STARD8: variants seen among roughly 807,000 people sequenced by gnomAD.
STARD8 encodes stAR-related lipid transfer protein 8.
In STARD8, 25 loss-of-function variants were observed where a neutral mutation model predicts 69.4. The ratio of observed to expected loss-of-function variants is 0.36; its 90% CI spans 0.26 to 0.50. The LOEUF is 0.50. Among genes scored for constraint, STARD8 ranks in the 20% least tolerant of loss-of-function variants. The pLI is 0.96. For synonymous variants in STARD8, 389 were observed against 374.6 expected (o/e 1.04, Z -0.45); for missense variants, 921 against 932.5 (o/e 0.99, Z 0.16).
At chrX:68,688,483 C>T (rs1482292209) in intron 2 of STARD8, among the ~76,000 whole-genome samples, 5 of 109,893 alleles carry the variant, frequency 4.5e-5, no homozygotes, top group Non-Finnish European at 9.5e-5. Flanking sequence ...GGGGTCAGGC[C>T]GTGGCAGCTG....
intron 2 of STARD8, among the ~76,000 whole-genome samples, chrX:68,668,577 A>G (rs903023057): frequency 1.8e-5 from 2 of 111,070 alleles, no homozygotes; most frequent in Non-Finnish European, 3.8e-5. Context: ...GACAGAGGAA[A>G]CCTTGTAAGG....
intron 2 of STARD8, among the ~76,000 whole-genome samples, chrX:68,673,698 G>A (rs1050758168): frequency 2.7e-5 from 3 of 112,150 alleles, no homozygotes; most frequent in Non-Finnish European, 5.6e-5. Flanking sequence ...AGCCCTGGAA[G>A]GAAACCAGCT....
intron 2 of STARD8, among the ~76,000 whole-genome samples, chrX:68,680,704 G>C (rs778452964): frequency 7.3e-4 from 81 of 111,315 alleles, no homozygotes; most frequent in Non-Finnish European, 1.4e-3. Context: ...CTCTGACTGA[G>C]GGGAAGGTGT....
intron 2 of STARD8, among the ~76,000 whole-genome samples, chrX:68,711,668 G>A (rs909248839): frequency 2.7e-5 from 3 of 112,118 alleles, no homozygotes; most frequent in Non-Finnish European, 3.8e-5. Flanking sequence ...ATACTGTTTT[G>A]TCCTTCATCT....
chrX:68,676,324 G>A (rs1426906697), intron 2 of STARD8, among the ~76,000 whole-genome samples: 2 of 112,255 alleles, frequency 1.8e-5, no homozygotes, highest in African/African-American at 3.2e-5. Context: ...ATGGCTTGTG[G>A]ATACAGCAGG....
At chrX:68,721,282 C>G (rs4844108) in intron 9 of STARD8, among the ~76,000 whole-genome samples, 160 bp downstream of exon 9, 2,922 of 111,770 alleles carry the variant, frequency 0.026, 88 homozygotes, top group Admixed American at 0.11. Context: ...TGCAGAGAGA[C>G]CATTCTGCTT....
At chrX:68,681,195 T>C (rs2079798684) in intron 2 of STARD8, among the ~76,000 whole-genome samples, 1 of 111,552 alleles carries the variant, frequency 9.0e-6, no homozygotes, top group South Asian at 3.8e-4. Flanking sequence ...GATTGGGCCT[T>C]AGTCATCCAT....
chrX:68,651,447 G>A (rs1382997675), intron 1 of STARD8, among the ~76,000 whole-genome samples: 5 of 112,201 alleles, frequency 4.5e-5, no homozygotes, highest in Admixed American at 9.4e-5. Flanking sequence ...CTCTGGGCTC[G>A]GGAGCTCAGT....
intron 2 of STARD8, among the ~76,000 whole-genome samples, chrX:68,668,334 T>TCC (rs1569355621): frequency 3.0e-5 from 3 of 101,278 alleles, no homozygotes; most frequent in African/African-American, 1.1e-4. Flanking sequence ...CTTCCTTCCT[T>TCC]TTTTTTTCTA....
intron 2 of STARD8, among the ~76,000 whole-genome samples, chrX:68,690,707 G>A (rs980434959): frequency 4.5e-5 from 5 of 112,103 alleles, no homozygotes; most frequent in Admixed American, 3.8e-4. Flanking sequence ...AAAACTGATG[G>A]CTGGGGTGGC....
At chrX:68,722,272 G>T in intron 11 of STARD8, 111 bp downstream of exon 11, 2 of 843,750 alleles carry the variant, frequency 2.4e-6, no homozygotes, top group Admixed American at 6.1e-5. Flanking sequence ...TACCCCTCAA[G>T]CTTATACCCC....
chrX:68,721,971 T>C (rs899663789), intron 10 of STARD8, 76 bp from the exon 11 acceptor site: 47 of 988,579 alleles, frequency 4.8e-5, no homozygotes, highest in Non-Finnish European at 6.2e-5. Context: ...TCCTGGCAGC[T>C]AGAAGGCAGC....
intron 2 of STARD8, among the ~76,000 whole-genome samples, chrX:68,685,158 G>T (rs777424525): frequency 8.9e-6 from 1 of 112,028 alleles, no homozygotes; most frequent in Non-Finnish European, 1.9e-5. Context: ...GAGACAGTAG[G>T]GGGGAGGGGC....
chrX:68,667,062 G>A (rs1288894233), intron 2 of STARD8, among the ~76,000 whole-genome samples: 3 of 112,210 alleles, frequency 2.7e-5, no homozygotes, highest in Non-Finnish European at 5.6e-5. Context: ...TCTTTTACTG[G>A]GTAGGGTCAG....
chrX:68,680,012 A>C (rs1284379024), intron 2 of STARD8, among the ~76,000 whole-genome samples: 1 of 112,046 alleles, frequency 8.9e-6, no homozygotes, highest in Non-Finnish European at 1.9e-5. Flanking sequence ...CACTGCCAAC[A>C]CTGTTTATCT....
Position 68,722,662 on chromosome X carries a change from C to T in STARD8, c.2799+16C>T, listed in dbSNP as rs1210946498. ...TTGCAGGAAGGTGAGTGCCACACCACGGGTGGCTGCTATGGGGCTGGGAGA... is the reference window on the plus strand; with the variant it reads ...TTGCAGGAAGGTGAGTGCCACACCATGGGTGGCTGCTATGGGGCTGGGAGA... On this transcript the variant is annotated intron_variant, in intron 12 of 14. Coordinates refer to ENST00000374599, the MANE Select transcript of STARD8 (RefSeq NM_001142503.3). The T allele has an allele frequency of 3.3e-6, 4 of 1,197,329 alleles. No homozygotes were observed. The highest frequency in any genetic ancestry group is 4.5e-6 in the Non-Finnish European group (4 of 883,843).
At chrX:68,710,601 A>T (rs1236668445) in intron 2 of STARD8, among the ~76,000 whole-genome samples, 1 of 111,978 alleles carries the variant, frequency 8.9e-6, no homozygotes, top group Non-Finnish European at 1.9e-5. Flanking sequence ...GCCAACCCCC[A>T]GCTAGGGCCA....
At chrX:68,651,858 T>A (rs1189425400) in intron 1 of STARD8, among the ~76,000 whole-genome samples, 5 of 106,047 alleles carry the variant, frequency 4.7e-5, no homozygotes, top group Non-Finnish European at 9.7e-5. Flanking sequence ...GTGGGTTAAG[T>A]CTTTTTTTTT....
chrX:68,680,729 G>A (rs1024118292), intron 2 of STARD8, among the ~76,000 whole-genome samples: 1 of 110,918 alleles, frequency 9.0e-6, no homozygotes, highest in Non-Finnish European at 1.9e-5. Context: ...ACTAAGGCCA[G>A]GAAGTGGGGG....
Sources: gnomAD v4.1 joint callset for allele counts (sites outside exome capture counted in the v4.1 genomes callset) on GRCh38, gnomAD v4.1.1 for gene constraint, MANE v1.5 for transcripts, NCBI Gene and HGNC (gene_info 2026-07-23, HGNC 2026-07-21) for gene names.